VPS41: variants seen among roughly 807,000 people sequenced by gnomAD.
VPS41 encodes the protein VPS41 subunit of HOPS complex.
A neutral mutation model predicts 130.9 loss-of-function variants in VPS41; 85 were observed. That is an observed-to-expected ratio of 0.65 (90% CI 0.55 to 0.78). The LOEUF (loss-of-function observed/expected upper bound fraction) is 0.78. VPS41 is among the 30% of genes least tolerant of loss of function. VPS41 has a pLI of 0.00. For synonymous variants in VPS41, 335 were observed against 332.9 expected, an observed-to-expected ratio of 1.01 and a Z score of -0.07; for missense variants, 874 against 1,018.7, an observed-to-expected ratio of 0.86 and a Z score of 1.93.
chr7:38,726,404 G>T, intron 28 of VPS41, 78 bp from the exon 29 acceptor site: 1 of 1,123,508 alleles, frequency 8.9e-7, no homozygotes, highest in Non-Finnish European at 1.3e-6. Flanking sequence ...CACTAAGGTA[G>T]CGTTAGTCAG....
At chr7:38,743,860 T>C (rs561464916) in intron 23 of VPS41, among the ~76,000 whole-genome samples, 54 of 152,210 alleles carry the variant, frequency 3.5e-4, no homozygotes, top group Non-Finnish European at 5.6e-4. Context: ...AGTAGCTTGC[T>C]AAGATCATAC....
intron 4 of VPS41, among the ~76,000 whole-genome samples, chr7:38,840,405 AT>A (rs1371642968): frequency 1.3e-5 from 2 of 152,178 alleles, no homozygotes; most frequent in African/African-American, 4.8e-5. Context: ...TGGGGAAATT[AT>A]TTAATGACAG....
chr7:38,872,309 C>G (rs1425815034), intron 2 of VPS41, among the ~76,000 whole-genome samples: 1 of 152,204 alleles, frequency 6.6e-6, no homozygotes, highest in Non-Finnish European at 1.5e-5. Context: ...AAAGTGGAAG[C>G]CCCATCCATG....
At position 38,780,427 on chromosome 7, in the gene VPS41, C is replaced by T. The variant is rs370340684; in HGVS notation, c.785-3651G>A. Among the ~76,000 whole-genome samples, 845 of 86,622 alleles carry T rather than the reference C, an allele frequency of 9.8e-3. 8 individuals are homozygous for T. The highest frequency in any genetic ancestry group is 0.049 in the African/African-American group (767 of 15,736). The allele number at this position is 86,622 out of a possible 152,430, so 56.8% of individuals were successfully genotyped here. A position where few individuals can be genotyped will look rare whatever the true frequency, so the allele number is the denominator to read the frequency against. Reference sequence around the variant, plus strand: ...AAGGACTTCTGCATTCTGCTTTATTCAGGAGGATAAAAGCATTCCTAGACA... The same window carrying T: ...AAGGACTTCTGCATTCTGCTTTATTTAGGAGGATAAAAGCATTCCTAGACA... On this transcript the variant is annotated intron_variant, in intron 10 of 28. Transcript: ENST00000310301.
At chr7:38,826,845 G>A (rs1785290635) in intron 5 of VPS41, among the ~76,000 whole-genome samples, 1 of 151,942 alleles carries the variant, frequency 6.6e-6, no homozygotes, top group Non-Finnish European at 1.5e-5. Context: ...TTGAGATGGA[G>A]TCTCACTCTG....
intron 2 of VPS41, among the ~76,000 whole-genome samples, chr7:38,897,506 G>C (rs1166419647): frequency 6.6e-6 from 1 of 151,566 alleles, no homozygotes; most frequent in East Asian, 2.0e-4. Context: ...TTAGCTGGGC[G>C]TGGCGGCGGG....
chr7:38,876,126 G>A (rs1489572309), intron 2 of VPS41, among the ~76,000 whole-genome samples: 1 of 152,164 alleles, frequency 6.6e-6, no homozygotes, highest in African/African-American at 2.4e-5. Context: ...CATCTAGCAG[G>A]TAGAGGCCAG....
chr7:38,774,155 G>A lies in VPS41; in HGVS notation c.972C>T (p.Val324=), dbSNP rs770503856. 2.0e-5 allele frequency: 32 copies of A among 1,608,856 alleles called. No homozygotes were observed. The East Asian group carries it at 5.6e-4, about 28-fold the overall frequency. ...CEEISSDALT[V]RGFQENECRD... ...TACATTCATTCTCCTGAAAGCCTCT[G>A]ACTGTCAAAGCATCAGAAGAGATCT... is the stretch of plus-strand genomic sequence containing the variant. Residue 324 remains valine, a synonymous_variant, in exon 12 of 29, where the codon GTC becomes GTT. Coordinates refer to ENST00000310301, the MANE Select transcript of VPS41 (RefSeq NM_014396.4).
chr7:38,794,308 G>C lies in VPS41; in HGVS notation c.717+1157C>G, dbSNP rs962607038. Among the ~76,000 whole-genome samples the C allele has an allele frequency of 7.2e-5, 11 of 152,092 alleles. No homozygotes were observed. The East Asian group carries it at 2.1e-3, about 29-fold the overall frequency. On this transcript the variant is annotated intron_variant, in intron 9 of 28. Coordinates refer to ENST00000310301, the MANE Select transcript of VPS41 (RefSeq NM_014396.4). ...TTCCTGTTACCCTAAATATAAATCAGGTTGTGTTCATGTAACACATGAAGA... is the reference window on the plus strand; with the variant it reads ...TTCCTGTTACCCTAAATATAAATCACGTTGTGTTCATGTAACACATGAAGA...
intron 10 of VPS41, among the ~76,000 whole-genome samples, chr7:38,789,365 G>A (rs1784493637): frequency 6.6e-6 from 1 of 152,148 alleles, no homozygotes; most frequent in African/African-American, 2.4e-5. Context: ...CAGTCAGGGA[G>A]GTCCAGTGGC....
chr7:38,767,495 T>C, intron 15 of VPS41, 42 bp downstream of exon 15: 1 of 1,444,420 alleles, frequency 6.9e-7, no homozygotes. Context: ...AATGCTCAAT[T>C]CTATTTATAT....
rs367646296 is a variant in VPS41, at chr7:38,821,251, T to G, written c.336A>C (p.Gly112=). 5 of 1,613,430 alleles carry G rather than the reference T, an allele frequency of 3.1e-6. No homozygotes were observed. The African/African-American group carries it at 6.7e-5, about 22-fold the overall frequency. The change falls in exon 6 of 29, where the codon GGA becomes GGC. Residue 112 remains glycine, a synonymous_variant. Transcript: ENST00000310301. ...CSEDGKVQVF[G]LYSGEEFHET... is the part of the protein sequence containing the mutation. ...CGTGAAATTCTTCTCCAGAATACAG[T>G]CCAAATACCTGCACCTACAAAGAAA...
At position 38,756,953 on chromosome 7, in the gene VPS41, G is replaced by A. The variant is rs762209568; in HGVS notation, c.1580C>T (p.Ala527Val). The A allele has an allele frequency of 2.9e-5, 46 of 1,597,832 alleles. No homozygotes were observed. Among genetic ancestry groups the A allele is most frequent in the Non-Finnish European group, 3.6e-5 (42 of 1,166,504 alleles). The change falls in exon 19 of 29, where the codon GCT becomes GTT. Residue 527 changes from alanine (A) to valine (V), a missense_variant. By Grantham distance (64) the Ala-to-Val change is moderately conservative. Transcript: ENST00000310301. ...TCTTAATGTTAAGTATATTTCCAGA[G>A]CATTGCCATAGTTCTTGTCATAGGT... ...LYTYDKNYGN[A>V]LEIYLTLRHK...
chr7:38,829,089 G>A (rs1785335413), intron 5 of VPS41, among the ~76,000 whole-genome samples: 1 of 152,088 alleles, frequency 6.6e-6, no homozygotes, highest in African/African-American at 2.4e-5. Context: ...TCAGCGGTGT[G>A]GATAATTCTT....
At chr7:38,897,373 C>T (rs1020469577) in intron 2 of VPS41, among the ~76,000 whole-genome samples, 2 of 151,614 alleles carry the variant, frequency 1.3e-5, no homozygotes, top group Non-Finnish European at 2.9e-5. Context: ...AGGCCGGGCG[C>T]GGTGGCTCAC....
At chr7:38,777,001 C>A (rs1047376050) in intron 10 of VPS41, among the ~76,000 whole-genome samples, 1 of 152,152 alleles carries the variant, frequency 6.6e-6, no homozygotes, top group Non-Finnish European at 1.5e-5. Context: ...CCATCACAAA[C>A]AAAAATGAAT....
intron 10 of VPS41, 73 bp from the exon 11 acceptor site, chr7:38,776,849 G>T: frequency 1.3e-6 from 1 of 766,382 alleles, no homozygotes; most frequent in Non-Finnish European, 2.3e-6. Context: ...GGAACACAAT[G>T]ACTGTGAATG....
chr7:38,745,726 TAAAAC>T (rs1347825543), intron 22 of VPS41, 113 bp from the exon 23 acceptor site: 1 of 823,728 alleles, frequency 1.2e-6, no homozygotes, highest in South Asian at 1.5e-5. Flanking sequence ...TCTTTAAAAA[TAAAAC>T]AAAGCAAACA....
intron 4 of VPS41, among the ~76,000 whole-genome samples, chr7:38,838,141 C>T: frequency 6.6e-6 from 1 of 151,972 alleles, no homozygotes; most frequent in East Asian, 1.9e-4. Context: ...AGCCTGGCAT[C>T]CATAATCCTA....
Sources: allele counts gnomAD v4.1 joint callset (sites outside exome capture counted in the v4.1 genomes callset), GRCh38; gene constraint gnomAD v4.1.1; transcripts MANE v1.5; gene names NCBI Gene and HGNC (gene_info 2026-07-23, HGNC 2026-07-21).